The following MACROD2 variants were observed in gnomAD, a reference collection of about 807,000 sequenced individuals.
The protein encoded by MACROD2 is ADP-ribose glycohydrolase MACROD2.
MACROD2 carries 36 observed loss-of-function variants against 70.4 expected under a neutral mutation model. The ratio of observed to expected loss-of-function variants is 0.51; its 90% CI spans 0.39 to 0.68. MACROD2 has a LOEUF of 0.68. MACROD2 is among the 30% of genes least tolerant of loss of function. MACROD2 has a pLI of 0.00. For synonymous variants in MACROD2, 172 were observed against 178.8 expected (o/e 0.96, Z 0.30); for missense variants, 496 against 538.4 (o/e 0.92, Z 0.78).
chr20:15,038,252 ATC>A (rs1306264029), intron 5 of MACROD2, among the ~76,000 whole-genome samples: 2 of 152,206 alleles, frequency 1.3e-5, no homozygotes, highest in Admixed American at 6.5e-5. Flanking sequence ...CTGCATTTAT[ATC>A]TCTGGATAAT....
chr20:15,663,466 T>C (rs933611693), intron 8 of MACROD2, among the ~76,000 whole-genome samples: 1 of 151,960 alleles, frequency 6.6e-6, no homozygotes, highest in African/African-American at 2.4e-5. Flanking sequence ...GAACTCCTGA[T>C]TTAAAGTGAT....
At chr20:14,638,674 G>C (rs184203721) in intron 4 of MACROD2, among the ~76,000 whole-genome samples, 3 of 152,102 alleles carry the variant, frequency 2.0e-5, no homozygotes, top group Non-Finnish European at 4.4e-5. Context: ...AGTGAGGCTG[G>C]GTGTGGTGGC....
chr20:15,288,527 T>C (rs55782362), intron 6 of MACROD2, among the ~76,000 whole-genome samples: 24,533 of 152,168 alleles, frequency 0.16, 2,546 homozygotes, highest in Non-Finnish European at 0.24. Context: ...TCCACCCTTA[T>C]TAAGTGTGGG....
chr20:14,265,624 C>A (rs561194657), intron 3 of MACROD2, among the ~76,000 whole-genome samples: 1 of 152,180 alleles, frequency 6.6e-6, no homozygotes, highest in East Asian at 1.9e-4. Context: ...CCATACAACA[C>A]TCTCATGGAT....
rs921128661 is a variant in MACROD2 at position 14,827,769 on chromosome 20, T to C, written c.418+142810T>C. 3.3e-5 allele frequency among the ~76,000 whole-genome samples: 5 copies of C among 151,962 alleles called. No homozygotes were observed. The East Asian group carries it at 9.6e-4, about 29-fold the overall frequency. On this transcript the variant is annotated intron_variant, in intron 5 of 17. Coordinates refer to ENST00000684519, the MANE Select transcript of MACROD2 (RefSeq NM_001351661.2). ...AACTATTAGCCTTCATTATTCAGAGTATTGGAGGTTAGATATTTAATTTTA... is the reference window on the plus strand; with the variant it reads ...AACTATTAGCCTTCATTATTCAGAGCATTGGAGGTTAGATATTTAATTTTA...
intron 5 of MACROD2, among the ~76,000 whole-genome samples, chr20:14,917,265 C>G (rs906216357): frequency 4.0e-5 from 6 of 151,354 alleles, no homozygotes; most frequent in African/African-American, 7.3e-5. Flanking sequence ...CATCGGGTCT[C>G]TATTCTTCCA....
chr20:14,256,745 C>T (rs941449389), intron 3 of MACROD2, among the ~76,000 whole-genome samples: 5 of 152,106 alleles, frequency 3.3e-5, no homozygotes, highest in African/African-American at 1.2e-4. Flanking sequence ...GTTTAAGCCC[C>T]AGAATCTTTT....
chr20:14,730,808 A>G (rs527552111), intron 5 of MACROD2, among the ~76,000 whole-genome samples: 2 of 152,194 alleles, frequency 1.3e-5, no homozygotes, highest in Non-Finnish European at 2.9e-5. Flanking sequence ...CAAAAGTTAC[A>G]TGTAAGCTGA....
intron 5 of MACROD2, among the ~76,000 whole-genome samples, chr20:14,711,670 C>T (rs184067249): frequency 1.9e-4 from 29 of 152,212 alleles, no homozygotes; most frequent in African/African-American, 6.7e-4. Context: ...TCAACTTCAC[C>T]CTCTGGCAAC....
Position 14,709,676 on chromosome 20 carries a change from T to C in MACROD2, c.418+24717T>C, listed in dbSNP as rs189071050. Among the ~76,000 whole-genome samples the C allele has an allele frequency of 7.5e-4, 114 of 152,348 alleles. 1 individual carries two copies. Among genetic ancestry groups the C allele is most frequent in the African/African-American group, 2.6e-3 (108 of 41,580 alleles). Reference sequence around the variant, plus strand: ...AACTAGCCATAAAACTGAAAAATCATGCCATGATACCTTGTTGAATCACTT... The same window carrying C: ...AACTAGCCATAAAACTGAAAAATCACGCCATGATACCTTGTTGAATCACTT... On this transcript the variant is annotated intron_variant, in intron 5 of 17. Transcript: ENST00000684519.
chr20:15,701,516 C>G (rs529365502), intron 8 of MACROD2, among the ~76,000 whole-genome samples: 2 of 152,262 alleles, frequency 1.3e-5, no homozygotes, highest in Non-Finnish European at 2.9e-5. Context: ...CCAATGGCTT[C>G]AAGTTTGCAT....
intron 7 of MACROD2, among the ~76,000 whole-genome samples, chr20:15,450,595 G>C (rs2046627928): frequency 6.6e-6 from 1 of 152,056 alleles, no homozygotes; most frequent in Admixed American, 6.6e-5. Context: ...CTATATGTCA[G>C]TTTTAATATA....
At chr20:15,114,761 G>C (rs2075980262) in intron 5 of MACROD2, among the ~76,000 whole-genome samples, 1 of 152,124 alleles carries the variant, frequency 6.6e-6, no homozygotes, top group African/African-American at 2.4e-5. Context: ...TTCCCTGCTT[G>C]TTCCTTTCAT....
At chr20:15,101,550 C>CAAAAAAAAAAAAA (rs1555782811) in intron 5 of MACROD2, among the ~76,000 whole-genome samples, 1 of 16,560 alleles carries the variant, frequency 6.0e-5, no homozygotes, top group Non-Finnish European at 1.4e-4. Flanking sequence ...AAAAAAAAAG[C>CAAAAAAAAAAAAA]ATTCTGGAGT....
intron 10 of MACROD2, among the ~76,000 whole-genome samples, chr20:15,886,078 AC>A (rs1316607192): frequency 3.9e-5 from 6 of 152,086 alleles, no homozygotes; most frequent in Non-Finnish European, 8.8e-5. Flanking sequence ...ATAACGAATC[AC>A]CCCCAAAACT....
At chr20:14,921,852 A>G (rs1472718602) in intron 5 of MACROD2, among the ~76,000 whole-genome samples, 1 of 152,218 alleles carries the variant, frequency 6.6e-6, no homozygotes, top group African/African-American at 2.4e-5. Flanking sequence ...TGTAATGTGC[A>G]CTACAAATTG....
At chr20:14,926,277 C>T (rs1017935090) in intron 5 of MACROD2, among the ~76,000 whole-genome samples, 17 of 151,950 alleles carry the variant, frequency 1.1e-4, no homozygotes, top group Non-Finnish European at 1.6e-4. Flanking sequence ...TGGCCAGGTG[C>T]GGTGGCTCAC....
chr20:15,801,494 AG>A (rs1448601904), intron 8 of MACROD2, among the ~76,000 whole-genome samples: 1 of 151,486 alleles, frequency 6.6e-6, no homozygotes, highest in Non-Finnish European at 1.5e-5. Flanking sequence ...AAAAAAAAAA[AG>A]AAAATCAGTT....
intron 3 of MACROD2, among the ~76,000 whole-genome samples, chr20:14,426,894 A>G (rs1908021382): frequency 6.6e-6 from 1 of 152,182 alleles, no homozygotes; most frequent in South Asian, 2.1e-4. Context: ...CCTTATTTGA[A>G]AATGAAGAGG....
Sources: gnomAD v4.1 joint callset for allele counts (sites outside exome capture counted in the v4.1 genomes callset) on GRCh38, gnomAD v4.1.1 for gene constraint, MANE v1.5 for transcripts, NCBI Gene and HGNC (gene_info 2026-07-23, HGNC 2026-07-21) for gene names.